The following EDA variants were observed in gnomAD, a reference collection of about 807,000 sequenced individuals.
EDA encodes ectodysplasin A.
EDA carries 2 observed loss-of-function variants against 23.6 expected under a neutral mutation model. That is an observed-to-expected ratio of 0.08 (90% CI 0.03 to 0.27). The LOEUF is 0.27. Ranked by LOEUF, EDA falls within the 10% of genes least tolerant of loss-of-function variation. The pLI is 1.00. For missense variants in EDA, 229 were observed against 324.2 expected (o/e 0.71, Z 2.26); for synonymous variants, 131 against 132.0 (o/e 0.99, Z 0.05).
intron 1 of EDA, among the ~76,000 whole-genome samples, chrX:69,701,848 A>G (rs2804327): frequency 0.34 from 37,157 of 110,513 alleles, 5,249 homozygotes; most frequent in Middle Eastern, 0.57. Context: ...GCAGCATCCA[A>G]GGGCTTCATC....
chrX:69,648,260 C>T (rs779579404), intron 1 of EDA, among the ~76,000 whole-genome samples: 9 of 111,791 alleles, frequency 8.1e-5, no homozygotes, highest in African/African-American at 2.9e-4. Flanking sequence ...TTGTCCAAAC[C>T]ACCTGTATTC....
At chrX:69,852,929 A>G (rs2017166281) in intron 1 of EDA, among the ~76,000 whole-genome samples, 1 of 112,219 alleles carries the variant, frequency 8.9e-6, no homozygotes, top group African/African-American at 3.2e-5. Context: ...CACCTCATAG[A>G]TATAATGCAA....
chrX:69,967,625 T>C (rs2019193101), intron 2 of EDA, among the ~76,000 whole-genome samples: 1 of 112,127 alleles, frequency 8.9e-6, no homozygotes, highest in Admixed American at 9.5e-5. Flanking sequence ...CTTAAGATTT[T>C]AGAAAAGAAG....
At chrX:69,839,033 G>A (rs185858559) in intron 1 of EDA, among the ~76,000 whole-genome samples, 8 of 112,111 alleles carry the variant, frequency 7.1e-5, no homozygotes, top group Admixed American at 4.7e-4. Flanking sequence ...TTTATGAACC[G>A]AACTAATCAG....
chrX:69,683,016 C>T (rs1486296102), intron 1 of EDA, among the ~76,000 whole-genome samples: 1 of 111,574 alleles, frequency 9.0e-6, no homozygotes, highest in Non-Finnish European at 1.9e-5. Context: ...TTTCATTTCT[C>T]ATTGTGCCTT....
chrX:69,706,398 A>C lies in EDA; in HGVS notation c.396+89694A>C, dbSNP rs771476744. On this transcript the variant is annotated intron_variant, in intron 1 of 7. Transcript: ENST00000374552. ...GCAAAAAGGTTAATAAATTTAGAGT[A>C]CTATCGATGAAAAGTGTCAAACTCT... Among the ~76,000 whole-genome samples the C allele has an allele frequency of 1.1e-3, 122 of 112,238 alleles. 1 individual carries two copies. Among genetic ancestry groups the C allele is most frequent in the Non-Finnish European group, 1.8e-3 (97 of 53,275 alleles).
intron 1 of EDA, among the ~76,000 whole-genome samples, chrX:69,893,862 T>G (rs1174630191): frequency 1.8e-5 from 2 of 112,227 alleles, no homozygotes; most frequent in Admixed American, 9.5e-5. Flanking sequence ...ATCCTCTCTC[T>G]GGATTTCAAT....
At chrX:69,750,662 C>T (rs2013809715) in intron 1 of EDA, among the ~76,000 whole-genome samples, 1 of 111,215 alleles carries the variant, frequency 9.0e-6, no homozygotes. Flanking sequence ...GTTCCTATTT[C>T]TCCACATCCT....
intron 1 of EDA, among the ~76,000 whole-genome samples, chrX:69,788,646 C>A (rs374491553): frequency 2.7e-5 from 3 of 112,262 alleles, no homozygotes; most frequent in Non-Finnish European, 5.6e-5. Flanking sequence ...GCAGTCTGCC[C>A]GTTCTCAGAT....
intron 2 of EDA, among the ~76,000 whole-genome samples, chrX:69,963,475 G>A (rs1303612125): frequency 8.9e-6 from 1 of 111,989 alleles, no homozygotes; most frequent in Non-Finnish European, 1.9e-5. Context: ...GAGGATTGTT[G>A]ATTTCACATG....
At chrX:69,802,194 A>AATAAATGAATAAATGAATGG (rs1211012870) in intron 1 of EDA, among the ~76,000 whole-genome samples, 2 of 110,554 alleles carry the variant, frequency 1.8e-5, no homozygotes, top group Non-Finnish European at 3.8e-5. Flanking sequence ...AATGGACTAG[A>AATAAATGAATAAATGAATGG]ACTACATGAA....
intron 2 of EDA, among the ~76,000 whole-genome samples, chrX:70,002,338 A>T (rs1250400681): frequency 9.0e-6 from 1 of 111,067 alleles, no homozygotes; most frequent in Non-Finnish European, 1.9e-5. Context: ...AAAAAAAAAA[A>T]CATGACTAAT....
At chrX:69,811,937 C>T (rs991330342) in intron 1 of EDA, among the ~76,000 whole-genome samples, 1 of 111,331 alleles carries the variant, frequency 9.0e-6, no homozygotes, top group South Asian at 3.8e-4. Flanking sequence ...ATCACCTTGT[C>T]CTGATGTGGG....
At chrX:69,707,900 C>G (rs777082490) in intron 1 of EDA, among the ~76,000 whole-genome samples, 1 of 111,264 alleles carries the variant, frequency 9.0e-6, no homozygotes, top group East Asian at 2.8e-4. Context: ...CTTCTGAATC[C>G]ATTGTGGATT....
At chrX:69,631,195 A>G (rs1932565188) in intron 1 of EDA, among the ~76,000 whole-genome samples, 1 of 109,541 alleles carries the variant, frequency 9.1e-6, no homozygotes, top group Non-Finnish European at 1.9e-5. Context: ...AGCCTGACCA[A>G]CGTGGTGAAA....
chrX:70,002,764 G>A (rs996634472), intron 2 of EDA, among the ~76,000 whole-genome samples: 1 of 112,091 alleles, frequency 8.9e-6, no homozygotes, highest in African/African-American at 3.2e-5. Flanking sequence ...ATCTCAGCTA[G>A]AAATTCTGTA....
chrX:69,684,532 GT>G (rs1387955197), intron 1 of EDA, among the ~76,000 whole-genome samples: 1 of 111,922 alleles, frequency 8.9e-6, no homozygotes, highest in Non-Finnish European at 1.9e-5. Flanking sequence ...TTAAAATGGT[GT>G]TGTGTATAAA....
intron 1 of EDA, among the ~76,000 whole-genome samples, chrX:69,777,496 T>C (rs1048584847): frequency 9.0e-6 from 1 of 111,491 alleles, no homozygotes; most frequent in Middle Eastern, 4.6e-3. Flanking sequence ...ATAAGCCAGT[T>C]TGGGAATAAA....
intron 1 of EDA, among the ~76,000 whole-genome samples, chrX:69,700,326 C>A (rs1413749076): frequency 1.8e-5 from 2 of 111,143 alleles, no homozygotes; most frequent in Non-Finnish European, 3.8e-5. Context: ...TCAGGGTCTT[C>A]CCACATAAAG....
Sources: allele counts gnomAD v4.1 joint callset (sites outside exome capture counted in the v4.1 genomes callset), GRCh38; gene constraint gnomAD v4.1.1; transcripts MANE v1.5; gene names NCBI Gene and HGNC (gene_info 2026-07-23, HGNC 2026-07-21).